Variants in KLRD1 observed in about 807,000 individuals in gnomAD.
KLRD1 encodes the protein natural killer cells antigen CD94.
A neutral mutation model predicts 22.6 loss-of-function variants in KLRD1; 21 were observed. That is an observed-to-expected ratio of 0.93 (90% confidence interval 0.66 to 1.34). KLRD1 has a LOEUF of 1.34. Ranked by LOEUF, KLRD1 falls within the 40% of genes most tolerant of loss-of-function variation. KLRD1 has a pLI of 0.00. For synonymous variants in KLRD1, 59 were observed against 71.1 expected (o/e 0.83, Z 0.85); for missense variants, 183 against 208.6 (o/e 0.88, Z 0.76).
At chr12:10,307,498 A>ATT (rs1276169846), upstream of KLRD1, among the ~76,000 whole-genome samples, 1 of 152,184 alleles carries the variant, frequency 6.6e-6, no homozygotes, top group Non-Finnish European at 1.5e-5. Flanking sequence ...GATTGAAGAT[A>ATT]TTTATATATC....
intron 1 of KLRD1, among the ~76,000 whole-genome samples, chr12:10,239,439 TTCC>T (rs1207734822): frequency 0.036 from 1,324 of 37,238 alleles, 115 homozygotes; most frequent in African/African-American, 0.13. Context: ...CTTCCTTTCC[TTCC>T]TTCCTTCCTT....
At chr12:10,289,669 CTTAT>C in intron 1 of KLRD1, among the ~76,000 whole-genome samples, 1 of 152,278 alleles carries the variant, frequency 6.6e-6, no homozygotes, top group South Asian at 2.1e-4. Context: ...TGTTTATTTG[CTTAT>C]TTCTTTTAGT....
upstream of KLRD1, among the ~76,000 whole-genome samples, chr12:10,301,301 T>C (rs1181625579): frequency 1.3e-5 from 2 of 152,206 alleles, no homozygotes; most frequent in Non-Finnish European, 2.9e-5. Context: ...GATAAACTTT[T>C]GTTTGAGGTT....
chr12:10,285,619 T>TA, intron 1 of KLRD1, among the ~76,000 whole-genome samples: 1 of 152,352 alleles, frequency 6.6e-6, no homozygotes, highest in Non-Finnish European at 1.5e-5. Context: ...TGTGTGTCTT[T>TA]ACCTGCCCAT....
intron 1 of KLRD1, among the ~76,000 whole-genome samples, chr12:10,253,347 GTTTCATTTTGTTTAGT>G (rs1949362523): frequency 6.6e-6 from 1 of 152,120 alleles, no homozygotes; most frequent in South Asian, 2.1e-4. Flanking sequence ...TCTTTAATGT[GTTTCATTTTGTTTAGT>G]TTTCATTGCA....
chr12:10,268,673 G>A (rs1949521896), intron 1 of KLRD1, among the ~76,000 whole-genome samples: 1 of 152,014 alleles, frequency 6.6e-6, no homozygotes. Flanking sequence ...TTCTTACATT[G>A]TGGCTTTTCC....
rs1419521660 is a variant in KLRD1 at position 10,320,453 on chromosome 12, T to C, written c.*5660T>C. The C allele has an allele frequency of 6.6e-6, 1 of 152,156 alleles. No individual in the cohort carries two copies. The highest frequency in any genetic ancestry group is 2.4e-5 in the African/African-American group (1 of 41,426). The allele number at this position is 152,156 out of a possible 1,614,324, so 9.4% of individuals were successfully genotyped here. A position where few individuals can be genotyped will look rare whatever the true frequency, so the allele number is the denominator to read the frequency against. On this transcript the variant is annotated 3_prime_UTR_variant, in exon 6 of 6. Coordinates refer to ENST00000336164, the MANE Select transcript of KLRD1 (RefSeq NM_002262.5). ...TTTAGCAACACTTTTGTCTGTAGCA[T>C]TGTGGAAAGTAGAAAATGTACTTAA...
intron 4 of KLRD1, among the ~76,000 whole-genome samples, chr12:10,312,051 C>CTTTTTTT (rs71049085): frequency 8.1e-6 from 1 of 123,194 alleles, no homozygotes; most frequent in Non-Finnish European, 1.7e-5. Context: ...CTTTTCTTTT[C>CTTTTTTT]TTTTTTTTTT....
rs1565474159 is a variant in KLRD1 at position 10,314,728 on chromosome 12, G to A, written c.475G>A (p.Gly159Arg). Reference protein sequence around the residue: ...TKNCIAYNPNGNALDESCEDK... With the variant: ...TKNCIAYNPNRNALDESCEDK... ...GAACTGCATAGCGTATAATCCAAAT[G>A]GAAATGCTTTAGATGAATCCTGTGA... The change falls in exon 6 of 6, where the codon GGA becomes AGA. Residue 159 changes from glycine to arginine, a missense_variant. Gly to Arg is a moderately radical substitution (Grantham distance 125). Transcript: ENST00000336164. 3 of 1,596,864 alleles carry A rather than the reference G, an allele frequency of 1.9e-6. No homozygotes were observed. Among genetic ancestry groups the A allele is most frequent in the South Asian group, 1.1e-5 (1 of 88,110 alleles).
upstream of KLRD1, among the ~76,000 whole-genome samples, chr12:10,300,765 A>G (rs1418828342): frequency 6.6e-6 from 1 of 152,246 alleles, no homozygotes; most frequent in Non-Finnish European, 1.5e-5. Context: ...TGCACTAAAA[A>G]TATGTTGTTT....
At chr12:10,308,232 A>G in intron 1 of KLRD1, 148 bp downstream of exon 1, 2 of 657,894 alleles carry the variant, frequency 3.0e-6, no homozygotes, top group South Asian at 3.6e-5. Flanking sequence ...TTCCACATTC[A>G]TTATATTTTC....
intron 3 of KLRD1, among the ~76,000 whole-genome samples, chr12:10,311,085 C>G (rs189773282): frequency 6.6e-6 from 1 of 152,232 alleles, no homozygotes; most frequent in African/African-American, 2.4e-5. Flanking sequence ...TAGTTAACTC[C>G]TATTTATGCT....
chr12:10,263,383 A>T (rs1308056297), intron 1 of KLRD1, among the ~76,000 whole-genome samples: 1 of 152,052 alleles, frequency 6.6e-6, no homozygotes, highest in Non-Finnish European at 1.5e-5. Context: ...CTACCTTCAT[A>T]TATGAAATCT....
rs570447604 is a variant in KLRD1 at position 10,258,409 on chromosome 12, G to A, written c.-101+32176G>A. Among the ~76,000 whole-genome samples, 5 of 152,244 alleles carry A rather than the reference G, an allele frequency of 3.3e-5. 1 individual carries two copies. In the South Asian group the frequency reaches 1.0e-3, roughly 32 times the overall value. ...TTCTGAATAATAGGCTTTGGAAGTAGAACATATTCACATATTCTCTCCAGC... is the reference window on the plus strand; with the variant it reads ...TTCTGAATAATAGGCTTTGGAAGTAAAACATATTCACATATTCTCTCCAGC... On this transcript the variant is annotated intron_variant, in intron 1 of 5. Coordinates refer to the KLRD1 transcript ENST00000544747.
intron 1 of KLRD1, among the ~76,000 whole-genome samples, chr12:10,242,173 CT>C (rs1325800815): frequency 7.4e-6 from 1 of 135,464 alleles, no homozygotes; most frequent in Non-Finnish European, 1.5e-5. Flanking sequence ...ATTTTAATTT[CT>C]CATTCAACAC....
At chr12:10,311,347 A>G (rs1246496454) in intron 3 of KLRD1, 117 bp from the exon 4 acceptor site, 15 of 903,330 alleles carry the variant, frequency 1.7e-5, no homozygotes, top group Non-Finnish European at 2.4e-5. Context: ...TGTGGTGTAT[A>G]CAGTAGATTC....
intron 1 of KLRD1, among the ~76,000 whole-genome samples, chr12:10,260,935 C>T (rs1949447443): frequency 6.8e-6 from 1 of 147,128 alleles, no homozygotes; most frequent in African/African-American, 2.5e-5. Context: ...GAGTGAGACT[C>T]CATCACAAAA....
chr12:10,276,351 T>G lies in KLRD1; in HGVS notation c.-100-31627T>G, dbSNP rs145100061. ...TAGTGACTAGGTCGGTATATGGGTA[T>G]AAATGTTTATAAATTTCTCTAGGGT... On this transcript the variant is annotated intron_variant, in intron 1 of 5. Transcript: ENST00000544747. 7.1e-3 allele frequency among the ~76,000 whole-genome samples: 1,079 copies of G among 152,312 alleles called. 12 individuals carry two copies. Among genetic ancestry groups the G allele is most frequent in the South Asian group, 0.042 (203 of 4,826 alleles).
rs960634677 is a variant in KLRD1 at position 10,324,404 on chromosome 12, G to C, written c.*9611G>C. On this transcript the variant is annotated 3_prime_UTR_variant, in exon 6 of 6. Transcript: ENST00000336164. ...TCATCCTTCTCCCTCTCCCCCCCAA[G>C]TAGGCCCCAGTGTCTATTGTTTCCT... 1 of 151,678 alleles carries C rather than the reference G, an allele frequency of 6.6e-6. No homozygotes were observed. The highest frequency in any genetic ancestry group is 2.4e-5 in the African/African-American group (1 of 41,214). 9.4% of individuals were successfully genotyped at this position (151,678 alleles called of 1,614,324 possible). A position where few individuals can be genotyped will look rare whatever the true frequency, so the allele number is the denominator to read the frequency against.
Sources: gnomAD v4.1 joint callset for allele counts (sites outside exome capture counted in the v4.1 genomes callset) on GRCh38, gnomAD v4.1.1 for gene constraint, MANE v1.5 for transcripts, NCBI Gene and HGNC (gene_info 2026-07-23, HGNC 2026-07-21) for gene names.